Variants in DPP6 observed in about 807,000 individuals in gnomAD.
The protein encoded by DPP6 is dipeptidyl peptidase like 6.
In DPP6, 69 loss-of-function variants were observed where a neutral mutation model predicts 122.6. The ratio of observed to expected loss-of-function variants is 0.56; its 90% CI spans 0.46 to 0.69. The LOEUF is 0.69. Ranked by LOEUF, DPP6 falls within the 30% of genes least tolerant of loss-of-function variation. DPP6 has a pLI of 0.00. For missense variants in DPP6, 928 were observed against 1,116.9 expected (o/e 0.83, Z 2.41); for synonymous variants, 418 against 433.1 (o/e 0.97, Z 0.43).
intron 7 of DPP6, among the ~76,000 whole-genome samples, chr7:154,671,628 T>C (rs943728825): frequency 1.3e-5 from 2 of 148,466 alleles, no homozygotes; most frequent in African/African-American, 4.9e-5. Flanking sequence ...AAGGAGTTGC[T>C]GTGCATGCAT....
chr7:154,271,809 C>G (rs76505512), intron 1 of DPP6, among the ~76,000 whole-genome samples: 1,794 of 152,290 alleles, frequency 0.012, 52 homozygotes, highest in South Asian at 0.087. Context: ...GTAAAATCAA[C>G]ATATTCTGAA....
intron 1 of DPP6, among the ~76,000 whole-genome samples, chr7:154,424,029 T>C (rs1039267288): frequency 3.9e-5 from 6 of 152,200 alleles, no homozygotes; most frequent in African/African-American, 1.4e-4. Flanking sequence ...TGGACACATA[T>C]ATGAAAATTT....
chr7:154,259,475 C>T (rs1045714084), intron 1 of DPP6, among the ~76,000 whole-genome samples: 1 of 152,034 alleles, frequency 6.6e-6, no homozygotes, highest in African/African-American at 2.4e-5. Flanking sequence ...GAGGCAATTC[C>T]GGAAGAAATG....
intron 1 of DPP6, among the ~76,000 whole-genome samples, chr7:154,143,821 G>GATTATAGCTAGTAGCTAAATCTAA (rs1433249500): frequency 2.6e-5 from 4 of 151,940 alleles, no homozygotes; most frequent in African/African-American, 9.7e-5. Flanking sequence ...TTAGCTACTA[G>GATTATAGCTAGTAGCTAAATCTAA]ATAGTCTCCA....
intron 1 of DPP6, among the ~76,000 whole-genome samples, chr7:154,357,238 T>C (rs1208855176): frequency 1.3e-5 from 2 of 151,702 alleles, no homozygotes; most frequent in African/African-American, 2.4e-5. Context: ...GATATGCCTG[T>C]TTCATTAATG....
intron 3 of DPP6, among the ~76,000 whole-genome samples, chr7:154,510,341 G>A (rs1392177351): frequency 6.6e-6 from 1 of 152,112 alleles, no homozygotes; most frequent in African/African-American, 2.4e-5. Context: ...TACAAATGGA[G>A]CTAACCTCAG....
In DPP6 at chr7:154,566,886, G is replaced by A. The variant is rs750175884; in HGVS notation, c.597G>A (p.Glu199=). The change falls in exon 5 of 26, where the codon GAG becomes GAA. Residue 199 remains glutamate, a synonymous_variant. Transcript: ENST00000377770. ...GATATGAAATATCTCCAGATAGAGA[G>A]TATGCACTTTTTTCATACAATGTGG... The part of the protein sequence containing the change: ...AIRYEISPDR[E]YALFSYNVEP... 6 of 1,608,360 alleles carry A rather than the reference G, an allele frequency of 3.7e-6. No homozygotes were observed. In the Admixed American group the frequency reaches 1.0e-4, roughly 27 times the overall value.
chr7:154,544,150 A>T (rs992211576), intron 4 of DPP6, among the ~76,000 whole-genome samples: 2 of 142,908 alleles, frequency 1.4e-5, no homozygotes, highest in African/African-American at 2.5e-5. Context: ...TTATATATAT[A>T]TTTTATATAT....
At chr7:154,542,584 C>T (rs1026463916) in intron 4 of DPP6, among the ~76,000 whole-genome samples, 8 of 152,176 alleles carry the variant, frequency 5.3e-5, no homozygotes, top group African/African-American at 1.9e-4. Flanking sequence ...AATAAGGTGA[C>T]TTCAGAAACC....
chr7:154,468,839 T>A (rs1366230264), intron 2 of DPP6, among the ~76,000 whole-genome samples: 1 of 152,216 alleles, frequency 6.6e-6, no homozygotes, highest in Non-Finnish European at 1.5e-5. Context: ...TGAAGACATG[T>A]GAATTTGTAA....
intron 3 of DPP6, among the ~76,000 whole-genome samples, chr7:154,521,362 AAATT>A (rs1210892958): frequency 2.7e-5 from 4 of 147,654 alleles, no homozygotes; most frequent in Non-Finnish European, 6.1e-5. Context: ...TTCTACAAAT[AAATT>A]GTTTTTTTTT....
intron 4 of DPP6, among the ~76,000 whole-genome samples, chr7:154,547,131 C>A (rs962016746): frequency 3.9e-5 from 6 of 152,204 alleles, no homozygotes; most frequent in Non-Finnish European, 8.8e-5. Flanking sequence ...GGCTCAGCCT[C>A]GGTTTCAGCT....
chr7:153,927,900 A>G (rs1326281939), intron 1 of DPP6, among the ~76,000 whole-genome samples: 2 of 152,040 alleles, frequency 1.3e-5, no homozygotes, highest in Non-Finnish European at 2.9e-5. Context: ...AAAACAGTAA[A>G]CATCAGTGCA....
At chr7:154,789,089 A>G (rs117269900) in intron 10 of DPP6, among the ~76,000 whole-genome samples, 4 of 152,230 alleles carry the variant, frequency 2.6e-5, no homozygotes, top group African/African-American at 4.8e-5. Flanking sequence ...TGCCTCCCAC[A>G]CCTGATACCT....
At chr7:154,387,708 C>T (rs1178913387) in intron 1 of DPP6, among the ~76,000 whole-genome samples, 2 of 152,218 alleles carry the variant, frequency 1.3e-5, no homozygotes, top group East Asian at 1.9e-4. Context: ...GCCCCACAGC[C>T]CCTGCTGCCA....
At chr7:154,005,272 C>G (rs1430890522) in intron 1 of DPP6, among the ~76,000 whole-genome samples, 5 of 152,148 alleles carry the variant, frequency 3.3e-5, no homozygotes, top group Non-Finnish European at 7.3e-5. Context: ...GAATGGCTGC[C>G]TGGGCCATCT....
At position 154,481,906 on chromosome 7, in the gene DPP6, G is replaced by T. The variant is rs945188841; in HGVS notation, c.457+6869G>T. On this transcript the variant is annotated intron_variant, in intron 3 of 25. Coordinates refer to ENST00000377770, the MANE Select transcript of DPP6 (RefSeq NM_130797.4). The surrounding 1 kb of genome is among the most constrained non-coding windows in gnomAD (Gnocchi z 4.2). Reference sequence around the variant, plus strand: ...ATGAATGTAAACTCCACAAGGATGGGACTCGCATCTCTGTTTACTGTGGTA... The same window carrying T: ...ATGAATGTAAACTCCACAAGGATGGTACTCGCATCTCTGTTTACTGTGGTA... 6.6e-6 allele frequency among the ~76,000 whole-genome samples: 1 copy of T among 152,162 alleles called. No homozygotes were observed. The highest frequency in any genetic ancestry group is 1.5e-5 in the Non-Finnish European group (1 of 68,040).
intron 1 of DPP6, among the ~76,000 whole-genome samples, chr7:154,318,204 T>C (rs1807601556): frequency 6.6e-6 from 1 of 152,228 alleles, no homozygotes; most frequent in East Asian, 1.9e-4. Flanking sequence ...GTGTTGGGCA[T>C]TGAAAATATT....
At chr7:153,762,269 A>G in the DPP6 span, among the ~76,000 whole-genome samples, 17 of 152,348 alleles carry the variant, frequency 1.1e-4, no homozygotes, top group Admixed American at 8.5e-4. Flanking sequence ...CCCCTTTACA[A>G]TGGTCAAAAG....
Sources: gnomAD v4.1 joint callset for allele counts (sites outside exome capture counted in the v4.1 genomes callset) on GRCh38, gnomAD v4.1.1 for gene constraint, Gnocchi (gnomAD v3.1) non-coding constraint, MANE v1.5 for transcripts, NCBI Gene and HGNC (gene_info 2026-07-23, HGNC 2026-07-21) for gene names.